SCARB1: variants seen among roughly 807,000 people sequenced by gnomAD.
SCARB1 encodes scavenger receptor class B member 1.
Under a neutral mutation model 57.2 loss-of-function variants are expected in SCARB1, and 30 were observed. The ratio of observed to expected loss-of-function variants is 0.52; its 90% CI spans 0.39 to 0.71. The LOEUF (loss-of-function observed/expected upper bound fraction) is 0.71, where lower values mean the gene tolerates loss of function less well. SCARB1 is among the 30% of genes least tolerant of loss of function. SCARB1 has a pLI of 0.00. For missense variants in SCARB1, 543 were observed against 671.2 expected (o/e 0.81, Z 2.11); for synonymous variants, 249 against 268.3 (o/e 0.93, Z 0.70).
At chr12:124,816,624 C>T (rs1470247260) in intron 2 of SCARB1, among the ~76,000 whole-genome samples, 2 of 152,244 alleles carry the variant, frequency 1.3e-5, no homozygotes, top group Admixed American at 1.3e-4. Flanking sequence ...CCCTGGAACA[C>T]CGTGTGCCGG....
At chr12:124,804,876 C>T (rs1173223177) in intron 7 of SCARB1, among the ~76,000 whole-genome samples, 1 of 152,226 alleles carries the variant, frequency 6.6e-6, no homozygotes, top group Admixed American at 6.5e-5. Context: ...GTCCTACCAA[C>T]CCTGTGACCT....
At chr12:124,811,088 G>T (rs1281065633) in intron 5 of SCARB1, among the ~76,000 whole-genome samples, 1 of 152,236 alleles carries the variant, frequency 6.6e-6, no homozygotes, top group Non-Finnish European at 1.5e-5. Context: ...ATGATTTCAT[G>T]ATGTTCAAAG....
chr12:124,797,450 C>A (rs957792541), intron 8 of SCARB1, among the ~76,000 whole-genome samples: 1 of 152,160 alleles, frequency 6.6e-6, no homozygotes, highest in Non-Finnish European at 1.5e-5. Flanking sequence ...ATCCCCCTCC[C>A]CAACGTGCCC....
chr12:124,850,666 G>A (rs563000184), intron 1 of SCARB1, among the ~76,000 whole-genome samples: 6 of 152,262 alleles, frequency 3.9e-5, no homozygotes, highest in East Asian at 3.9e-4. Flanking sequence ...GAGAAACTCC[G>A]TCTCAAAATA....
intron 1 of SCARB1, among the ~76,000 whole-genome samples, chr12:124,859,631 T>G (rs1952801048): frequency 6.6e-6 from 1 of 152,220 alleles, no homozygotes. Context: ...CCACTTCTGT[T>G]AGTCTCACCT....
intron 12 of SCARB1, among the ~76,000 whole-genome samples, chr12:124,778,906 G>A (rs1048070019): frequency 6.6e-6 from 1 of 152,186 alleles, no homozygotes; most frequent in African/African-American, 2.4e-5. Context: ...TGGAACAACC[G>A]GGGCAAGCTC....
intron 1 of SCARB1, among the ~76,000 whole-genome samples, chr12:124,819,544 T>C (rs1169123302): frequency 6.9e-6 from 1 of 144,074 alleles, no homozygotes; most frequent in East Asian, 5.4e-4. Context: ...AGGTCCCCCC[T>C]AGTCCACCTG....
chr12:124,862,300 A>T (rs1050734717), intron 1 of SCARB1: 1 of 152,218 alleles, frequency 6.6e-6, no homozygotes, highest in Non-Finnish European at 1.5e-5. Flanking sequence ...TTGCAGTCAG[A>T]TTACAGGCTT....
chr12:124,827,911 C>T (rs974102953), intron 1 of SCARB1, among the ~76,000 whole-genome samples: 2 of 152,100 alleles, frequency 1.3e-5, no homozygotes, highest in African/African-American at 4.8e-5. Flanking sequence ...GCCATAAACC[C>T]ACAAGGGCAA....
intron 1 of SCARB1, among the ~76,000 whole-genome samples, chr12:124,849,604 A>G (rs1369525971): frequency 6.6e-6 from 1 of 152,246 alleles, no homozygotes; most frequent in Admixed American, 6.5e-5. Context: ...AGCCTGGGAC[A>G]GTCGGCCCCA....
At chr12:124,835,882 C>T (rs990789253) in intron 1 of SCARB1, among the ~76,000 whole-genome samples, 5 of 152,218 alleles carry the variant, frequency 3.3e-5, no homozygotes, top group Non-Finnish European at 7.3e-5. Flanking sequence ...AAGCAGGAGC[C>T]GCTTCACAGT....
intron 1 of SCARB1, among the ~76,000 whole-genome samples, chr12:124,828,951 A>G (rs1043161138): frequency 3.9e-5 from 6 of 151,930 alleles, no homozygotes; most frequent in African/African-American, 1.5e-4. Flanking sequence ...GGCTGACTAC[A>G]CTCTCAATCC....
At position 124,807,968 on chromosome 12, in the gene SCARB1, G is replaced by T; in HGVS notation, c.843-41C>A. The T allele has an allele frequency of 6.2e-7, 1 of 1,604,556 alleles. No individual in the cohort carries two copies. Among genetic ancestry groups the T allele is most frequent in the Non-Finnish European group, 8.5e-7 (1 of 1,172,256 alleles). Reference sequence around the variant, plus strand: ...AGGATGAGAGGGGACACCCAGACCCGGCGGCCAGAGCCAGGCCCTGCCAAA... The same window carrying T: ...AGGATGAGAGGGGACACCCAGACCCTGCGGCCAGAGCCAGGCCCTGCCAAA... On this transcript the variant is annotated intron_variant, in intron 6 of 12. Coordinates refer to ENST00000261693, the MANE Select transcript of SCARB1 (RefSeq NM_005505.5). This position sits in a 1 kb window ranked among gnomAD's most constrained non-coding sequence, Gnocchi z 5.3.
At chr12:124,833,880 C>A (rs1352845725) in intron 1 of SCARB1, among the ~76,000 whole-genome samples, 1 of 152,232 alleles carries the variant, frequency 6.6e-6, no homozygotes, top group African/African-American at 2.4e-5. Flanking sequence ...AAACCCGGGC[C>A]GGGGAATGAT....
intron 1 of SCARB1, among the ~76,000 whole-genome samples, chr12:124,840,259 T>C (rs936993772): frequency 6.6e-6 from 1 of 152,012 alleles, no homozygotes; most frequent in African/African-American, 2.4e-5. Context: ...CTGCAACCTC[T>C]ACCTCCCAGG....
chr12:124,819,140 AAAAG>A (rs1380100180), intron 1 of SCARB1, among the ~76,000 whole-genome samples: 3 of 151,842 alleles, frequency 2.0e-5, no homozygotes, highest in Admixed American at 2.0e-4. Context: ...AAAAAAAAAA[AAAAG>A]AAAAGAAAGA....
In SCARB1 at chr12:124,789,574, C is replaced by G. The variant is rs1949649344; in HGVS notation, c.1203-2117G>C. Among the ~76,000 whole-genome samples the G allele has an allele frequency of 6.6e-6, 1 of 151,980 alleles. No individual in the cohort carries two copies. On this transcript the variant is annotated intron_variant, in intron 9 of 12. Transcript: ENST00000261693. The surrounding 1 kb of genome is among the most constrained non-coding windows in gnomAD (Gnocchi z 4.4). The stretch of plus-strand genomic sequence containing the variant: ...AAGGTTCTGAGATGGGAAGAGTATC[C>G]TGGAATACCTAGGTAGGCCCCAGAG...
chr12:124,831,935 C>T (rs138299125), intron 1 of SCARB1, among the ~76,000 whole-genome samples: 25 of 152,284 alleles, frequency 1.6e-4, no homozygotes, highest in African/African-American at 5.5e-4. Flanking sequence ...CAATCCAGGT[C>T]ATCCAAAGCC....
rs970270536 is a variant in SCARB1 at position 124,807,207 on chromosome 12, A to C, written c.1009+554T>G. ...CAGAGTGAGAGTCTGTCTCAAAAAA[A>C]ATAATAATAAACAAGATGGGGAGAT... On this transcript the variant is annotated intron_variant, in intron 7 of 12. Transcript: ENST00000261693. This position sits in a 1 kb window ranked among gnomAD's most constrained non-coding sequence, Gnocchi z 5.3. Among the ~76,000 whole-genome samples, 1 of 152,168 alleles carries C rather than the reference A, an allele frequency of 6.6e-6. No homozygotes were observed. Among genetic ancestry groups the C allele is most frequent in the African/African-American group, 2.4e-5 (1 of 41,448 alleles).
Sources: gnomAD v4.1 joint callset for allele counts (sites outside exome capture counted in the v4.1 genomes callset) on GRCh38, gnomAD v4.1.1 for gene constraint, Gnocchi (gnomAD v3.1) non-coding constraint, MANE v1.5 for transcripts, NCBI Gene and HGNC (gene_info 2026-07-23, HGNC 2026-07-21) for gene names.